The following NME7 variants were observed in gnomAD, a reference collection of about 807,000 sequenced individuals.
NME7 encodes NME/NM23 family member 7.
Under a neutral mutation model 49.1 loss-of-function variants are expected in NME7, and 41 were observed. That is an observed-to-expected ratio of 0.83 (90% CI 0.65 to 1.08). NME7 has a LOEUF of 1.08. Ranked by LOEUF, NME7 falls within the 50% of genes least tolerant of loss-of-function variation. NME7 has a pLI of 0.00. For synonymous variants in NME7, 139 were observed against 150.6 expected (o/e 0.92, Z 0.56); for missense variants, 423 against 463.4 (o/e 0.91, Z 0.80).
chr1:169,356,764 T>C (rs2101985001), intron 1 of NME7, among the ~76,000 whole-genome samples: 1 of 152,256 alleles, frequency 6.6e-6, no homozygotes, highest in Non-Finnish European at 1.5e-5. Flanking sequence ...TGAACCACAA[T>C]GACGGAGTTT....
intron 3 of NME7, among the ~76,000 whole-genome samples, chr1:169,317,654 G>A (rs988437474): frequency 6.6e-6 from 1 of 152,136 alleles, no homozygotes; most frequent in African/African-American, 2.4e-5. Context: ...TTGGTATTGA[G>A]GGAAAGGTTT....
rs138287537 is a variant in NME7, at chr1:169,238,477, G to GCACACACACACACA, written c.755-804_755-791dup. Among the ~76,000 whole-genome samples, 187 of 124,140 alleles carry GCACACACACACACA rather than the reference G, an allele frequency of 1.5e-3. 1 individual carries two copies. The highest frequency in any genetic ancestry group is 2.1e-3 in the Non-Finnish European group (121 of 56,314). The allele number at this position is 124,140 out of a possible 152,430, so 81.4% of individuals were successfully genotyped here. A position where few individuals can be genotyped will look rare whatever the true frequency, so the allele number is the denominator to read the frequency against. On this transcript the variant is annotated intron_variant, in intron 7 of 11. Coordinates refer to ENST00000367811, the MANE Select transcript of NME7 (RefSeq NM_013330.5). ...GTCTCTTACACATACATGCACAAAG[G>GCACACACACACACA]CACACACACACACACACACACACAC... is the stretch of plus-strand genomic sequence containing the variant.
At chr1:169,278,267 T>C (rs950389692) in intron 7 of NME7, among the ~76,000 whole-genome samples, 1 of 150,872 alleles carries the variant, frequency 6.6e-6, no homozygotes, top group African/African-American at 2.4e-5. Flanking sequence ...TCCTGGATAA[T>C]ATCCTGCAGA....
chr1:169,217,331 G>T (rs1363405019), intron 10 of NME7, among the ~76,000 whole-genome samples: 1 of 152,128 alleles, frequency 6.6e-6, no homozygotes, highest in African/African-American at 2.4e-5. Flanking sequence ...TGGCTAGTTA[G>T]AATTGGGATG....
At chr1:169,346,558 C>T (rs1338578378) in intron 1 of NME7, among the ~76,000 whole-genome samples, 1 of 152,206 alleles carries the variant, frequency 6.6e-6, no homozygotes, top group Non-Finnish European at 1.5e-5. Flanking sequence ...TTACATTCAA[C>T]ACCACTATCA....
At chr1:169,175,700 G>A (rs1464333161) in intron 10 of NME7, among the ~76,000 whole-genome samples, 1 of 151,898 alleles carries the variant, frequency 6.6e-6, no homozygotes, top group East Asian at 1.9e-4. Context: ...TTATCACGAG[G>A]TCACTAGTCT....
intron 10 of NME7, among the ~76,000 whole-genome samples, chr1:169,195,827 C>T (rs1660365309): frequency 6.6e-6 from 1 of 152,102 alleles, no homozygotes; most frequent in Non-Finnish European, 1.5e-5. Context: ...CCTTTCCTTC[C>T]AAGAGCTTGC....
chr1:169,134,816 G>A (rs568713310), intron 11 of NME7, among the ~76,000 whole-genome samples: 5 of 151,854 alleles, frequency 3.3e-5, no homozygotes, highest in African/African-American at 1.2e-4. Context: ...AATTTCAGGT[G>A]GTAAATATGA....
chr1:169,281,783 A>G (rs563953389), intron 7 of NME7, among the ~76,000 whole-genome samples: 2 of 152,202 alleles, frequency 1.3e-5, no homozygotes, highest in Non-Finnish European at 2.9e-5. Flanking sequence ...CCAGCCTTGC[A>G]TTCCAGCAAT....
chr1:169,319,357 A>C (rs1157161794), intron 3 of NME7, among the ~76,000 whole-genome samples: 1 of 152,222 alleles, frequency 6.6e-6, no homozygotes, highest in Non-Finnish European at 1.5e-5. Context: ...AAGTCTAGAA[A>C]ACATATAAAG....
chr1:169,190,798 C>CTTTTTTTTTTTTT (rs1157694915), intron 10 of NME7: 1 of 76,824 alleles, frequency 1.3e-5, no homozygotes. Context: ...TGAACTGTTT[C>CTTTTTTTTTTTTT]TTTTTTTTTT....
chr1:169,321,428 T>A (rs1651848228), intron 3 of NME7, among the ~76,000 whole-genome samples: 1 of 152,200 alleles, frequency 6.6e-6, no homozygotes, highest in Non-Finnish European at 1.5e-5. Context: ...CATATCATAG[T>A]GTCTGGCACA....
At chr1:169,176,608 T>A (rs1557974429) in intron 10 of NME7, among the ~76,000 whole-genome samples, 1 of 152,166 alleles carries the variant, frequency 6.6e-6, no homozygotes, top group Admixed American at 6.5e-5. Flanking sequence ...CCACATGGCA[T>A]CGTAACTATT....
At chr1:169,333,088 T>G (rs566994391) in intron 1 of NME7, among the ~76,000 whole-genome samples, 45 of 152,020 alleles carry the variant, frequency 3.0e-4, no homozygotes, top group Non-Finnish European at 6.0e-4. Context: ...ATAAAGAAAA[T>G]GTGGTACATA....
intron 11 of NME7, among the ~76,000 whole-genome samples, chr1:169,164,256 G>A (rs185403385): frequency 2.7e-3 from 405 of 152,092 alleles, no homozygotes; most frequent in African/African-American, 9.1e-3. Flanking sequence ...CTTTTTCACC[G>A]AGTGCAAAAA....
At chr1:169,354,417 T>C (rs1653303472) in intron 1 of NME7, among the ~76,000 whole-genome samples, 1 of 151,724 alleles carries the variant, frequency 6.6e-6, no homozygotes, top group Admixed American at 6.6e-5. Flanking sequence ...GGTTAATGGG[T>C]ACAAAAAAAA....
intron 11 of NME7, among the ~76,000 whole-genome samples, chr1:169,160,282 C>T (rs1287687979): frequency 6.6e-6 from 1 of 152,126 alleles, no homozygotes; most frequent in Admixed American, 6.6e-5. Context: ...CTTTCCTCAT[C>T]GTACCCTCCT....
chr1:169,209,184 C>T (rs1197287403), intron 10 of NME7, among the ~76,000 whole-genome samples: 1 of 152,004 alleles, frequency 6.6e-6, no homozygotes, highest in Non-Finnish European at 1.5e-5. Context: ...TACTCAAGAC[C>T]TTTTTCATCA....
chr1:169,294,440 A>AT (rs1297355160), intron 6 of NME7, among the ~76,000 whole-genome samples: 1 of 152,194 alleles, frequency 6.6e-6, no homozygotes, highest in African/African-American at 2.4e-5. Context: ...AATAGTGAGT[A>AT]TAAGTCTATG....
Sources: gnomAD v4.1 joint callset for allele counts (sites outside exome capture counted in the v4.1 genomes callset) on GRCh38, gnomAD v4.1.1 for gene constraint, MANE v1.5 for transcripts, NCBI Gene and HGNC (gene_info 2026-07-23, HGNC 2026-07-21) for gene names.